NTM: variants seen among roughly 807,000 people sequenced by gnomAD.
The protein encoded by NTM is IgLON family member 2.
Under a neutral mutation model 42.1 loss-of-function variants are expected in NTM, and 13 were observed. The ratio of observed to expected loss-of-function variants is 0.31; its 90% confidence interval spans 0.20 to 0.49. The LOEUF (loss-of-function observed/expected upper bound fraction) is 0.49, where lower values mean the gene tolerates loss of function less well. Among genes scored for constraint, NTM ranks in the 20% least tolerant of loss-of-function variants. The pLI, the probability that NTM is intolerant of heterozygous loss-of-function variation, is 0.99. For missense variants in NTM, 373 were observed against 452.8 expected (o/e 0.82, Z 1.60); for synonymous variants, 187 against 179.2 (o/e 1.04, Z -0.35).
At chr11:132,317,740 G>A (rs374409563) in intron 7 of NTM, 13 of 1,152,866 alleles carry the variant, frequency 1.1e-5, no homozygotes, top group Non-Finnish European at 1.5e-5. Flanking sequence ...CTCTATCCCA[G>A]AGGCCCCCTT....
chr11:131,566,254 G>A (rs1210140790), intron 1 of NTM, among the ~76,000 whole-genome samples: 1 of 152,198 alleles, frequency 6.6e-6, no homozygotes, highest in Non-Finnish European at 1.5e-5. Context: ...AAATGATGCT[G>A]CTAAGTTGAC....
At chr11:132,230,270 T>A (rs2087229928) in intron 4 of NTM, among the ~76,000 whole-genome samples, 1 of 152,236 alleles carries the variant, frequency 6.6e-6, no homozygotes, top group Non-Finnish European at 1.5e-5. Flanking sequence ...TCTCATTTTT[T>A]AAAGTATCTG....
chr11:131,897,513 G>A (rs1293584271), intron 1 of NTM, among the ~76,000 whole-genome samples: 1 of 152,194 alleles, frequency 6.6e-6, no homozygotes, highest in African/African-American at 2.4e-5. Flanking sequence ...ACACAGCACA[G>A]GTCAGGAATT....
intron 1 of NTM, among the ~76,000 whole-genome samples, chr11:131,461,546 G>C (rs1389801346): frequency 6.6e-6 from 1 of 152,180 alleles, no homozygotes; most frequent in Non-Finnish European, 1.5e-5. Flanking sequence ...GGGTAGCGGG[G>C]TGGAGGAAAT....
At chr11:131,387,614 C>G (rs1188833376) in intron 1 of NTM, among the ~76,000 whole-genome samples, 5 of 152,140 alleles carry the variant, frequency 3.3e-5, no homozygotes, top group Admixed American at 1.3e-4. Flanking sequence ...TTCAAAACAG[C>G]TAGAAGGCTT....
chr11:131,806,281 C>T (rs2092475871), intron 1 of NTM, among the ~76,000 whole-genome samples: 1 of 152,142 alleles, frequency 6.6e-6, no homozygotes, highest in African/African-American at 2.4e-5. Context: ...TGCTATGACC[C>T]AGAATCTTAA....
chr11:131,683,456 A>G (rs2073325394), intron 1 of NTM, among the ~76,000 whole-genome samples: 1 of 152,236 alleles, frequency 6.6e-6, no homozygotes, highest in South Asian at 2.1e-4. Flanking sequence ...TCCAGAAGGA[A>G]TCTGACCAGG....
intron 1 of NTM, among the ~76,000 whole-genome samples, chr11:131,495,086 TTAGTAG>T (rs1430298515): frequency 6.6e-6 from 1 of 152,124 alleles, no homozygotes; most frequent in Non-Finnish European, 1.5e-5. Context: ...TGAGGGAAAA[TTAGTAG>T]TAGAAGAGAC....
intron 2 of NTM, among the ~76,000 whole-genome samples, chr11:132,020,454 TA>T (rs2074162872): frequency 6.6e-6 from 1 of 152,066 alleles, no homozygotes; most frequent in Admixed American, 6.6e-5. Context: ...TAAATATAGA[TA>T]AATATTATAG....
intron 1 of NTM, among the ~76,000 whole-genome samples, chr11:131,417,707 T>C (rs1000042837): frequency 1.3e-5 from 2 of 152,130 alleles, no homozygotes; most frequent in Non-Finnish European, 2.9e-5. Flanking sequence ...GAAATAAGGA[T>C]CAAAGAACCT....
At chr11:131,378,497 G>C (rs923613482) in intron 1 of NTM, among the ~76,000 whole-genome samples, 1 of 152,282 alleles carries the variant, frequency 6.6e-6, no homozygotes. Context: ...GTGTGTGTGC[G>C]TGCAAACTCT....
chr11:131,654,852 C>T (rs1266235480), intron 1 of NTM, among the ~76,000 whole-genome samples: 4 of 152,308 alleles, frequency 2.6e-5, no homozygotes, highest in African/African-American at 9.6e-5. Context: ...ATACAGCCTG[C>T]AGAACTGTGA....
chr11:131,795,660 G>GCCAGTT, intron 1 of NTM: 1 of 985,412 alleles, frequency 1.0e-6, no homozygotes, highest in Non-Finnish European at 1.2e-6. Context: ...CAGTGCCAGT[G>GCCAGTT]CCCATAAGTT....
chr11:131,485,360 G>A (rs1297497829), intron 1 of NTM, among the ~76,000 whole-genome samples: 1 of 152,234 alleles, frequency 6.6e-6, no homozygotes, highest in Non-Finnish European at 1.5e-5. Context: ...ATGCGAGAGA[G>A]GCCCTTCTGT....
chr11:131,778,375 T>C (rs1166111732), intron 1 of NTM, among the ~76,000 whole-genome samples: 4 of 152,222 alleles, frequency 2.6e-5, no homozygotes, highest in African/African-American at 7.2e-5. Context: ...TTCTATTTGG[T>C]GTTGATAAAG....
intron 2 of NTM, among the ~76,000 whole-genome samples, chr11:132,140,066 C>A (rs115055849): frequency 6.6e-6 from 1 of 152,190 alleles, no homozygotes; most frequent in Non-Finnish European, 1.5e-5. Flanking sequence ...TCCATTTAAT[C>A]TTCTCATTAA....
Position 132,273,912 on chromosome 11 carries a change from C to T in NTM, c.527-33777C>T, listed in dbSNP as rs184620054. On this transcript the variant is annotated intron_variant, in intron 4 of 8. Coordinates refer to ENST00000683400, the MANE Select transcript of NTM (RefSeq NM_001352005.2). ...ATAAGAGTGAAACTCCATCTCAAAA[C>T]AAAACAAAACAACAACAACAAAAAA... is the stretch of plus-strand genomic sequence containing the variant. 3.3e-5 allele frequency among the ~76,000 whole-genome samples: 5 copies of T among 152,006 alleles called. No individual in the cohort carries two copies. In the East Asian group the frequency reaches 7.7e-4, roughly 24 times the overall value.
intron 1 of NTM, among the ~76,000 whole-genome samples, chr11:131,766,605 T>A (rs766283745): frequency 6.6e-6 from 1 of 152,148 alleles, no homozygotes; most frequent in South Asian, 2.1e-4. Context: ...ATCTTTCATT[T>A]GTACAATTAT....
chr11:132,282,296 C>A (rs1451989018), intron 4 of NTM, among the ~76,000 whole-genome samples: 1 of 152,116 alleles, frequency 6.6e-6, no homozygotes, highest in African/African-American at 2.4e-5. Context: ...TGAAATATTC[C>A]TCAGAAATTC....
Sources: gnomAD v4.1 joint callset for allele counts (sites outside exome capture counted in the v4.1 genomes callset) on GRCh38, gnomAD v4.1.1 for gene constraint, MANE v1.5 for transcripts, NCBI Gene and HGNC (gene_info 2026-07-23, HGNC 2026-07-21) for gene names.